Variants in SLC25A40 observed in about 807,000 individuals in gnomAD.
SLC25A40 encodes the protein solute carrier family 25 member 40, also known as mitochondrial glutathione transporter SLC25A40.
In SLC25A40, 41 loss-of-function variants were observed where a neutral mutation model predicts 46.5. The ratio of observed to expected loss-of-function variants is 0.88; its 90% CI spans 0.69 to 1.14. SLC25A40 has a LOEUF of 1.14. SLC25A40 is among the 50% of genes most tolerant of loss of function. The pLI, the probability that SLC25A40 is intolerant of heterozygous loss-of-function variation, is 0.00. For missense variants in SLC25A40, 386 were observed against 393.6 expected, an observed-to-expected ratio of 0.98 and a Z score of 0.16; for synonymous variants, 126 against 127.5, an observed-to-expected ratio of 0.99 and a Z score of 0.08.
chr7:87,861,790 C>T (rs992711877), intron 1 of SLC25A40, among the ~76,000 whole-genome samples: 11 of 152,018 alleles, frequency 7.2e-5, no homozygotes, highest in African/African-American at 1.7e-4. Flanking sequence ...CTTGAATATG[C>T]GCACATGAAA....
intron 10 of SLC25A40, among the ~76,000 whole-genome samples, chr7:87,840,715 TAATAA>T (rs1281955619): frequency 6.6e-6 from 1 of 151,834 alleles, no homozygotes; most frequent in Non-Finnish European, 1.5e-5. Flanking sequence ...AACCCTAATA[TAATAA>T]AATTTTGATT....
chr7:87,843,949 G>A lies in SLC25A40; in HGVS notation c.632-86C>T, dbSNP rs1384497185. 6.6e-6 allele frequency: 9 copies of A among 1,365,244 alleles called. No homozygotes were observed. The Admixed American group carries it at 1.5e-4, about 23-fold the overall frequency. The allele number at this position is 1,365,244 out of a possible 1,614,324, so 84.6% of individuals were successfully genotyped here. On this transcript the variant is annotated intron_variant, in intron 8 of 11. Coordinates refer to ENST00000341119, the MANE Select transcript of SLC25A40 (RefSeq NM_018843.4). ...AGAGTTATGAGGTTATATATTCAGG[G>A]GATAGACAAATTCTAACCTTGACAT...
At chr7:87,858,581 G>A in intron 3 of SLC25A40, 50 bp downstream of exon 3, 1 of 991,552 alleles carries the variant, frequency 1.0e-6, no homozygotes, top group Non-Finnish European at 1.6e-6. Flanking sequence ...TCAAATGGAA[G>A]CACTGACTCA....
chr7:87,845,082 C>T (rs1838391461), intron 8 of SLC25A40, among the ~76,000 whole-genome samples: 2 of 152,046 alleles, frequency 1.3e-5, no homozygotes, highest in Non-Finnish European at 1.5e-5. Flanking sequence ...TGTGCCACTG[C>T]ACTCCAGCCT....
At chr7:87,847,599 A>T (rs115264789) in intron 7 of SLC25A40, among the ~76,000 whole-genome samples, 88 of 152,300 alleles carry the variant, frequency 5.8e-4, no homozygotes, top group African/African-American at 2.0e-3. Context: ...GTAAATCAGA[A>T]CCAACTCTGA....
intron 1 of SLC25A40, among the ~76,000 whole-genome samples, chr7:87,874,834 T>G (rs1162204184): frequency 1.3e-5 from 2 of 152,226 alleles, no homozygotes; most frequent in Admixed American, 1.3e-4. Context: ...CTCTTCCCAA[T>G]TCTGTGGCAT....
chr7:87,867,522 A>C (rs185062437), intron 1 of SLC25A40, among the ~76,000 whole-genome samples: 53 of 152,294 alleles, frequency 3.5e-4, no homozygotes, highest in Middle Eastern at 3.4e-3. Context: ...CACTAAGTTT[A>C]CTTAAAACTG....
In SLC25A40 at chr7:87,846,974, A is replaced by G. The variant is rs1201175171; in HGVS notation, c.606T>C (p.Thr202=). The G allele has an allele frequency of 6.2e-7, 1 of 1,612,814 alleles. No homozygotes were observed. Among genetic ancestry groups the G allele is most frequent in the East Asian group, 2.2e-5 (1 of 44,862 alleles). The part of the protein sequence containing the change: ...WISLWRGWAP[T]VLRDVPFSAM... ...CTGAGAAAGGTACATCTCTAAGAAC[A>G]GTAGGAGCCCAGCCCCTCCAAAGGG... Residue 202 remains threonine (T), a synonymous_variant, in exon 8 of 12, where the codon ACT becomes ACC. Coordinates refer to ENST00000341119, the MANE Select transcript of SLC25A40 (RefSeq NM_018843.4).
chr7:87,843,997 C>G, intron 8 of SLC25A40, 134 bp from the exon 9 acceptor site: 2 of 1,318,986 alleles, frequency 1.5e-6, no homozygotes, highest in Non-Finnish European at 1.9e-6. Context: ...ACTTAGACAC[C>G]CACTAGGGTG....
At chr7:87,847,779 T>C in intron 7 of SLC25A40, 74 bp downstream of exon 7, 1 of 1,434,478 alleles carries the variant, frequency 7.0e-7, no homozygotes, top group African/African-American at 1.4e-5. Context: ...ATTATACAAA[T>C]TATCTGTGAA....
At chr7:87,849,375 T>C (rs1838472894) in intron 6 of SLC25A40, among the ~76,000 whole-genome samples, 3 of 152,216 alleles carry the variant, frequency 2.0e-5, no homozygotes, top group South Asian at 4.1e-4. Context: ...GGTTGATCTG[T>C]ACACTGCGAT....
chr7:87,872,651 A>C (rs1332954495), intron 1 of SLC25A40, among the ~76,000 whole-genome samples: 2 of 152,228 alleles, frequency 1.3e-5, no homozygotes, highest in East Asian at 1.9e-4. Flanking sequence ...TAGCCAGTAC[A>C]ATAAAGCAAG....
Position 87,834,301 on chromosome 7 carries a change from C to T in SLC25A40, c.*1948G>A. ...TTAAAATTTTAAAATTTTACCTATT[C>T]CATAGACTGAATTTTTCTAGGTACT... On this transcript the variant is annotated 3_prime_UTR_variant, in exon 12 of 12. Coordinates refer to ENST00000341119, the MANE Select transcript of SLC25A40 (RefSeq NM_018843.4). 1.3e-5 allele frequency: 2 copies of T among 151,562 alleles called. No individual in the cohort carries two copies. The highest frequency in any genetic ancestry group is 3.9e-4 in the East Asian group (2 of 5,188). 9.4% of individuals were successfully genotyped at this position (151,562 alleles called of 1,614,324 possible). A position where few individuals can be genotyped will look rare whatever the true frequency, so the allele number is the denominator to read the frequency against.
chr7:87,853,078 CA>C (rs1838544373), intron 5 of SLC25A40, among the ~76,000 whole-genome samples: 2 of 152,068 alleles, frequency 1.3e-5, no homozygotes, highest in African/African-American at 4.8e-5. Flanking sequence ...AAAATATTTG[CA>C]AACCACACAT....
At chr7:87,850,903 TA>T (rs1838497199) in intron 5 of SLC25A40, among the ~76,000 whole-genome samples, 1 of 152,054 alleles carries the variant, frequency 6.6e-6, no homozygotes, top group African/African-American at 2.4e-5. Context: ...AGACAGACAA[TA>T]ATAAATTCTG....
chr7:87,838,567 A>G (rs1838288504), intron 10 of SLC25A40, among the ~76,000 whole-genome samples: 1 of 151,544 alleles, frequency 6.6e-6, no homozygotes, highest in African/African-American at 2.4e-5. Context: ...CAAATTTATT[A>G]TATCATAATA....
At chr7:87,860,849 C>G (rs1329601052) in intron 1 of SLC25A40, among the ~76,000 whole-genome samples, 1 of 146,436 alleles carries the variant, frequency 6.8e-6, no homozygotes, top group African/African-American at 2.5e-5. Context: ...TCATGTTATT[C>G]TAGTTAATAT....
At chr7:87,841,033 TAGG>T (rs1253323569) in intron 10 of SLC25A40, among the ~76,000 whole-genome samples, 2 of 151,328 alleles carry the variant, frequency 1.3e-5, no homozygotes, top group East Asian at 3.9e-4. Flanking sequence ...TAGAAGCAAA[TAGG>T]AGTATACGTT....
chr7:87,854,809 CAAAAAAAAAAA>C (rs1193322764), intron 4 of SLC25A40, among the ~76,000 whole-genome samples: 1 of 53,580 alleles, frequency 1.9e-5, no homozygotes, highest in South Asian at 6.2e-4. Context: ...AAGACTGTCT[CAAAAAAAAAAA>C]AAAAAAAAAA....
Sources: allele counts gnomAD v4.1 joint callset (sites outside exome capture counted in the v4.1 genomes callset), GRCh38; gene constraint gnomAD v4.1.1; transcripts MANE v1.5; gene names NCBI Gene and HGNC (gene_info 2026-07-23, HGNC 2026-07-21).